The following TMEM232 variants were observed in gnomAD, a reference collection of about 807,000 sequenced individuals.
TMEM232 encodes transmembrane protein 232.
Under a neutral mutation model 78.8 loss-of-function variants are expected in TMEM232, and 80 were observed. That is an observed-to-expected ratio of 1.01 (90% confidence interval 0.85 to 1.22). The LOEUF (loss-of-function observed/expected upper bound fraction) is 1.22, where lower values mean the gene tolerates loss of function less well. Ranked by LOEUF, TMEM232 falls within the 50% of genes most tolerant of loss-of-function variation. The probability of loss-of-function intolerance (pLI) is 0.00; values close to 1 mark genes in which losing one functional copy is unlikely to be tolerated. For synonymous variants in TMEM232, 297 were observed against 254.3 expected (o/e 1.17, Z -1.60); for missense variants, 881 against 742.2 (o/e 1.19, Z -2.17).
At chr5:110,604,128 C>T (rs1781268454) in intron 10 of TMEM232, among the ~76,000 whole-genome samples, 1 of 152,016 alleles carries the variant, frequency 6.6e-6, no homozygotes, top group Non-Finnish European at 1.5e-5. Context: ...AGACATGATT[C>T]TTCAGTATCA....
At chr5:110,437,570 G>A (rs1758574828) in intron 12 of TMEM232, among the ~76,000 whole-genome samples, 1 of 151,840 alleles carries the variant, frequency 6.6e-6, no homozygotes, top group Non-Finnish European at 1.5e-5. Context: ...GAACTTTGGT[G>A]CTAGTTTTAT....
intron 12 of TMEM232, among the ~76,000 whole-genome samples, chr5:110,428,896 CT>C (rs1439458374): frequency 3.3e-5 from 5 of 151,684 alleles, no homozygotes; most frequent in African/African-American, 1.2e-4. Flanking sequence ...GAAAACAAAC[CT>C]GGTACAGATG....
intron 12 of TMEM232, among the ~76,000 whole-genome samples, chr5:110,426,912 A>G (rs1757302814): frequency 6.6e-6 from 1 of 152,048 alleles, no homozygotes; most frequent in African/African-American, 2.4e-5. Flanking sequence ...GTGTTCAAGC[A>G]AATTGCCTAA....
chr5:110,653,711 T>A (rs1788643991), intron 2 of TMEM232, among the ~76,000 whole-genome samples: 1 of 152,160 alleles, frequency 6.6e-6, no homozygotes, highest in African/African-American at 2.4e-5. Flanking sequence ...TTGGCCCACA[T>A]GACTGGAAGT....
chr5:110,629,098 G>C (rs1481345698), intron 5 of TMEM232, among the ~76,000 whole-genome samples: 2 of 151,576 alleles, frequency 1.3e-5, no homozygotes, highest in Admixed American at 6.6e-5. Context: ...AGTTAAATGT[G>C]AAAAAAATAT....
intron 12 of TMEM232, among the ~76,000 whole-genome samples, chr5:110,479,928 C>T (rs1763680671): frequency 6.6e-6 from 1 of 151,746 alleles, no homozygotes; most frequent in Non-Finnish European, 1.5e-5. Context: ...ATTTTTTTAA[C>T]ATACGACTTT....
intron 10 of TMEM232, among the ~76,000 whole-genome samples, chr5:110,574,491 C>A (rs183842894): frequency 6.6e-6 from 1 of 152,076 alleles, no homozygotes; most frequent in African/African-American, 2.4e-5. Flanking sequence ...TACCTGGGGT[C>A]TTTGGGTATG....
At chr5:110,733,384 A>C (rs1179147282) in intron 2 of TMEM232, among the ~76,000 whole-genome samples, 1 of 152,186 alleles carries the variant, frequency 6.6e-6, no homozygotes, top group Non-Finnish European at 1.5e-5. Flanking sequence ...CAATAAAGAC[A>C]CATGCACAGG....
intron 10 of TMEM232, among the ~76,000 whole-genome samples, chr5:110,603,226 C>T (rs181201069): frequency 6.6e-6 from 1 of 151,964 alleles, no homozygotes; most frequent in African/African-American, 2.4e-5. Context: ...GTTTTAAAAC[C>T]ACCACGGCAC....
chr5:110,557,815 T>C (rs775609590), intron 11 of TMEM232, among the ~76,000 whole-genome samples: 1 of 152,134 alleles, frequency 6.6e-6, no homozygotes, highest in Non-Finnish European at 1.5e-5. Context: ...AGGATTACAA[T>C]TGAACATGAG....
intron 1 of TMEM232, among the ~76,000 whole-genome samples, chr5:110,721,626 T>C (rs1034316025): frequency 7.3e-6 from 1 of 137,140 alleles, no homozygotes; most frequent in East Asian, 2.1e-4. Flanking sequence ...TAAGCTATCA[T>C]ATGTGTGAGA....
chr5:110,715,038 C>T (rs969885102), intron 1 of TMEM232, among the ~76,000 whole-genome samples: 36 of 152,098 alleles, frequency 2.4e-4, no homozygotes, highest in Non-Finnish European at 2.9e-5. Context: ...ACATATCTGT[C>T]TCTTAACAGG....
At chr5:110,714,369 C>T (rs948478828) in intron 1 of TMEM232, among the ~76,000 whole-genome samples, 2 of 152,120 alleles carry the variant, frequency 1.3e-5, no homozygotes, top group Admixed American at 6.5e-5. Flanking sequence ...TCTCTGAACA[C>T]CAATCAAAAT....
intron 1 of TMEM232, among the ~76,000 whole-genome samples, chr5:110,693,541 A>T (rs1391070771): frequency 1.3e-5 from 2 of 152,352 alleles, no homozygotes; most frequent in East Asian, 3.9e-4. Context: ...ATGGCAAAGA[A>T]GTTAAAAACC....
chr5:110,669,228 A>T (rs1210316565), intron 1 of TMEM232, among the ~76,000 whole-genome samples: 1 of 152,142 alleles, frequency 6.6e-6, no homozygotes, highest in Non-Finnish European at 1.5e-5. Context: ...TTGATATGCC[A>T]CTAGCAAGAC....
chr5:110,507,161 G>A (rs1331613681), intron 12 of TMEM232, among the ~76,000 whole-genome samples: 2 of 152,172 alleles, frequency 1.3e-5, no homozygotes, highest in African/African-American at 4.8e-5. Flanking sequence ...ATTATTAATA[G>A]AGTAGTATCT....
chr5:110,451,100 T>C (rs1760226075), intron 12 of TMEM232, among the ~76,000 whole-genome samples: 2 of 152,184 alleles, frequency 1.3e-5, no homozygotes, highest in African/African-American at 4.8e-5. Flanking sequence ...TAAATGCTTA[T>C]TGTATCAAGA....
chr5:110,447,578 C>G (rs1759806756), intron 12 of TMEM232, among the ~76,000 whole-genome samples: 2 of 151,952 alleles, frequency 1.3e-5, no homozygotes, highest in African/African-American at 4.8e-5. Flanking sequence ...TTCCATATAT[C>G]CAGAAGAAAA....
intron 2 of TMEM232, among the ~76,000 whole-genome samples, chr5:110,644,058 C>G (rs898072229): frequency 2.0e-5 from 3 of 151,944 alleles, no homozygotes; most frequent in Admixed American, 2.0e-4. Flanking sequence ...ACAAATAATC[C>G]AGCCTTAGTG....
Sources: allele counts gnomAD v4.1 joint callset (sites outside exome capture counted in the v4.1 genomes callset), GRCh38; gene constraint gnomAD v4.1.1; transcripts MANE v1.5; gene names NCBI Gene and HGNC (gene_info 2026-07-23, HGNC 2026-07-21).